PKIG: variants seen among roughly 807,000 people sequenced by gnomAD.
PKIG encodes the protein protein kinase (cAMP-dependent, catalytic) inhibitor gamma.
PKIG carries 1 observed loss-of-function variant against 6.8 expected under a neutral mutation model. The ratio of observed to expected loss-of-function variants is 0.15; its 90% CI spans 0.05 to 0.69. The LOEUF is 0.69. Ranked by LOEUF, PKIG falls within the 30% of genes least tolerant of loss-of-function variation. PKIG has a pLI of 0.82. For synonymous variants in PKIG, 39 were observed against 43.0 expected (o/e 0.91, Z 0.36); for missense variants, 77 against 104.0 (o/e 0.74, Z 1.13).
chr20:44,542,276 G>A (rs1028517971), intron 1 of PKIG, among the ~76,000 whole-genome samples: 14 of 152,146 alleles, frequency 9.2e-5, no homozygotes, highest in African/African-American at 3.4e-4. Context: ...GTCTCATGAA[G>A]TCATGTGAGA....
At chr20:44,601,089 C>T (rs1956456679) in intron 2 of PKIG, among the ~76,000 whole-genome samples, 1 of 152,168 alleles carries the variant, frequency 6.6e-6, no homozygotes, top group Non-Finnish European at 1.5e-5. Flanking sequence ...GGTGTGGTGT[C>T]TGGAAGTCCC....
intron 1 of PKIG, among the ~76,000 whole-genome samples, chr20:44,588,723 C>G (rs1330867611): frequency 1.3e-5 from 2 of 151,962 alleles, no homozygotes; most frequent in Non-Finnish European, 2.9e-5. Context: ...TTATTCCTTC[C>G]TTTGCTCATT....
chr20:44,578,770 A>T (rs2064922358), upstream of PKIG, among the ~76,000 whole-genome samples: 1 of 152,242 alleles, frequency 6.6e-6, no homozygotes, highest in South Asian at 2.1e-4. Flanking sequence ...ACTGCGTAAC[A>T]AATTAATCAA....
At chr20:44,617,285 C>G (rs778149103) in intron 3 of PKIG, among the ~76,000 whole-genome samples, 9 of 152,118 alleles carry the variant, frequency 5.9e-5, no homozygotes, top group Non-Finnish European at 1.3e-4. Context: ...TTGTAGGGCA[C>G]CTAGTAACAT....
intron 1 of PKIG, among the ~76,000 whole-genome samples, chr20:44,563,128 A>G (rs1027568891): frequency 1.3e-5 from 2 of 152,210 alleles, no homozygotes; most frequent in Admixed American, 6.5e-5. Context: ...CTAGGAGTCT[A>G]CCAAGCACTT....
At chr20:44,578,646 A>G (rs2064921097), upstream of PKIG, among the ~76,000 whole-genome samples, 1 of 152,196 alleles carries the variant, frequency 6.6e-6, no homozygotes, top group South Asian at 2.1e-4. Context: ...CCAGAAGCAG[A>G]TGCTAGTGCC....
At chr20:44,589,488 T>C (rs997812948) in intron 1 of PKIG, among the ~76,000 whole-genome samples, 4 of 152,264 alleles carry the variant, frequency 2.6e-5, no homozygotes, top group Admixed American at 2.0e-4. Flanking sequence ...CTGTATAGTT[T>C]CTCATGATAT....
intron 1 of PKIG, among the ~76,000 whole-genome samples, chr20:44,535,903 A>G (rs1372855693): frequency 6.6e-6 from 1 of 152,212 alleles, no homozygotes; most frequent in African/African-American, 2.4e-5. Flanking sequence ...AATCTGCATG[A>G]CTTTTTCATC....
At chr20:44,587,146 C>G (rs952097321) in intron 1 of PKIG, among the ~76,000 whole-genome samples, 2 of 152,162 alleles carry the variant, frequency 1.3e-5, no homozygotes, top group African/African-American at 4.8e-5. Flanking sequence ...AAGACACTGC[C>G]TCTGGTCTTG....
intron 1 of PKIG, among the ~76,000 whole-genome samples, chr20:44,537,410 A>G (rs976698931): frequency 3.3e-5 from 5 of 151,514 alleles, no homozygotes; most frequent in African/African-American, 1.2e-4. Context: ...GCATTTTTGT[A>G]TTTTTATAGA....
chr20:44,540,102 A>T (rs1443240777), intron 1 of PKIG, among the ~76,000 whole-genome samples: 1 of 152,110 alleles, frequency 6.6e-6, no homozygotes, highest in Non-Finnish European at 1.5e-5. Context: ...CTGGGACTAC[A>T]GGCGCATGCC....
intron 1 of PKIG, among the ~76,000 whole-genome samples, chr20:44,543,900 TA>T (rs1568803491): frequency 6.6e-6 from 1 of 151,930 alleles, no homozygotes; most frequent in Non-Finnish European, 1.5e-5. Context: ...CCGTCTCTAC[TA>T]AAAATACAAA....
intron 1 of PKIG, among the ~76,000 whole-genome samples, chr20:44,552,606 A>G (rs1189109509): frequency 1.3e-5 from 2 of 152,172 alleles, no homozygotes; most frequent in Non-Finnish European, 2.9e-5. Context: ...TGCTGCCACT[A>G]TGCAACTGTA....
upstream of PKIG, among the ~76,000 whole-genome samples, chr20:44,581,751 G>T (rs1386491915): frequency 6.6e-6 from 1 of 152,204 alleles, no homozygotes; most frequent in Non-Finnish European, 1.5e-5. Context: ...GGGGGTTAAA[G>T]GTGCCCAGCT....
intron 2 of PKIG, among the ~76,000 whole-genome samples, chr20:44,597,313 C>T (rs116441854): frequency 0.012 from 1,731 of 142,218 alleles, 42 homozygotes; most frequent in African/African-American, 0.043. Context: ...TCTAGTGATT[C>T]TGTTAATTGT....
At chr20:44,536,013 CTA>C (rs1168937099) in intron 1 of PKIG, among the ~76,000 whole-genome samples, 5 of 152,272 alleles carry the variant, frequency 3.3e-5, no homozygotes, top group Non-Finnish European at 5.9e-5. Flanking sequence ...CTTTTGTTTT[CTA>C]TGTGTTTGGT....
intron 2 of PKIG, among the ~76,000 whole-genome samples, chr20:44,595,202 G>T (rs560932542): frequency 1.3e-5 from 2 of 152,202 alleles, no homozygotes; most frequent in South Asian, 4.1e-4. Flanking sequence ...TGTGATCATA[G>T]GTATGGTTAC....
intron 3 of PKIG, among the ~76,000 whole-genome samples, 197 bp from the exon 4 acceptor site, chr20:44,618,086 CTA>C (rs2065285816): frequency 6.6e-6 from 1 of 152,152 alleles, no homozygotes; most frequent in East Asian, 1.9e-4. Context: ...CTAACAAACA[CTA>C]TGTGTATTTC....
chr20:44,618,402 C>T lies in PKIG; in HGVS notation c.*38C>T, dbSNP rs769854688. 1 of 1,374,182 alleles carries T rather than the reference C, an allele frequency of 7.3e-7. No homozygotes were observed. Among genetic ancestry groups the T allele is most frequent in the Non-Finnish European group, 1.0e-6 (1 of 960,968 alleles). The allele number at this position is 1,374,182 out of a possible 1,614,324, so 85.1% of individuals were successfully genotyped here. A position where few individuals can be genotyped will look rare whatever the true frequency, so the allele number is the denominator to read the frequency against. On this transcript the variant is annotated 3_prime_UTR_variant, in exon 4 of 4. Coordinates refer to ENST00000372886, the MANE Select transcript of PKIG (RefSeq NM_001281445.2). ...CCAAGAAGGCTGGACGAGAGACCTTCTGTCCCCTCCCAGAGGGGGAACCCT... is the reference window on the plus strand; with the variant it reads ...CCAAGAAGGCTGGACGAGAGACCTTTTGTCCCCTCCCAGAGGGGGAACCCT...
Sources: allele counts gnomAD v4.1 joint callset (sites outside exome capture counted in the v4.1 genomes callset), GRCh38; gene constraint gnomAD v4.1.1; transcripts MANE v1.5; gene names NCBI Gene and HGNC (gene_info 2026-07-23, HGNC 2026-07-21).